The following ARHGAP28 variants were observed in gnomAD, a reference collection of about 807,000 sequenced individuals.
ARHGAP28 encodes the protein Rho GTPase activating protein 28.
A neutral mutation model predicts 90.7 loss-of-function variants in ARHGAP28; 56 were observed. The observed-to-expected ratio is 0.62, with a 90% CI of 0.50 to 0.77. The LOEUF (loss-of-function observed/expected upper bound fraction) is 0.77. Ranked by LOEUF, ARHGAP28 falls within the 30% of genes least tolerant of loss-of-function variation. ARHGAP28 has a pLI of 0.00. For synonymous variants in ARHGAP28, 308 were observed against 323.3 expected (o/e 0.95, Z 0.51); for missense variants, 869 against 900.9 (o/e 0.96, Z 0.45).
At chr18:6,885,778 CTT>C (rs1425378888) in intron 11 of ARHGAP28, among the ~76,000 whole-genome samples, 1 of 147,360 alleles carries the variant, frequency 6.8e-6, no homozygotes, top group Non-Finnish European at 1.5e-5. Context: ...ATCTGCATCT[CTT>C]GTTTTTTTCT....
At chr18:6,878,408 G>A (rs1004204878) in intron 10 of ARHGAP28, among the ~76,000 whole-genome samples, 1 of 151,312 alleles carries the variant, frequency 6.6e-6, no homozygotes, top group Non-Finnish European at 1.5e-5. Flanking sequence ...TGATGAGTTA[G>A]TGGGTGCAGC....
chr18:6,891,881 C>G (rs973044609), intron 14 of ARHGAP28, among the ~76,000 whole-genome samples: 1 of 152,150 alleles, frequency 6.6e-6, no homozygotes, highest in Non-Finnish European at 1.5e-5. Flanking sequence ...ATGTGAGCCA[C>G]TGTGCCTGGT....
At chr18:6,800,470 C>T (rs889522755) in intron 1 of ARHGAP28, among the ~76,000 whole-genome samples, 1 of 152,102 alleles carries the variant, frequency 6.6e-6, no homozygotes, top group Non-Finnish European at 1.5e-5. Flanking sequence ...AAATGCACAT[C>T]AGTGATAGAC....
intron 1 of ARHGAP28, chr18:6,754,793 G>C (rs1239958887): frequency 6.6e-6 from 1 of 152,178 alleles, no homozygotes; most frequent in Non-Finnish European, 1.5e-5. Context: ...ATGTCTGAGT[G>C]AATAAATGAA....
intron 1 of ARHGAP28, among the ~76,000 whole-genome samples, chr18:6,730,375 A>T (rs2055870398): frequency 6.6e-6 from 1 of 152,154 alleles, no homozygotes; most frequent in Admixed American, 6.5e-5. Flanking sequence ...GAGCTTGTTC[A>T]GTAACTGCAT....
At chr18:6,856,072 G>A (rs140739300) in intron 4 of ARHGAP28, among the ~76,000 whole-genome samples, 1 of 152,328 alleles carries the variant, frequency 6.6e-6, no homozygotes, top group East Asian at 1.9e-4. Flanking sequence ...AACCCAGTGG[G>A]CCCGAGCAAA....
chr18:6,911,125 C>T (rs182154182), intron 17 of ARHGAP28, among the ~76,000 whole-genome samples: 29 of 152,244 alleles, frequency 1.9e-4, no homozygotes, highest in African/African-American at 6.5e-4. Flanking sequence ...TGAGCCACCG[C>T]GCTCGGCCAG....
At chr18:6,790,670 AT>A (rs1262385840) in intron 1 of ARHGAP28, 1 of 152,222 alleles carries the variant, frequency 6.6e-6, no homozygotes, top group African/African-American at 2.4e-5. Flanking sequence ...AGTTTGGCAA[AT>A]AATTGTTAGT....
intron 1 of ARHGAP28, among the ~76,000 whole-genome samples, chr18:6,765,085 ATGTT>A (rs1195182677): frequency 2.6e-5 from 4 of 152,194 alleles, no homozygotes; most frequent in African/African-American, 9.6e-5. Flanking sequence ...TTCTGTGTCT[ATGTT>A]TGTAAACGAT....
At chr18:6,893,867 G>GTTTTT (rs5822929) in intron 14 of ARHGAP28, among the ~76,000 whole-genome samples, 7 of 130,810 alleles carry the variant, frequency 5.4e-5, no homozygotes, top group Admixed American at 1.6e-4. Context: ...TTGCTTTTTG[G>GTTTTT]TTTTTTTTTT....
chr18:6,878,661 C>T (rs898455940), intron 10 of ARHGAP28, among the ~76,000 whole-genome samples: 2 of 152,168 alleles, frequency 1.3e-5, no homozygotes, highest in Non-Finnish European at 2.9e-5. Flanking sequence ...ACAGGTCAGT[C>T]TTTTTTCTCC....
At chr18:6,806,966 G>A (rs576161910) in intron 1 of ARHGAP28, among the ~76,000 whole-genome samples, 5 of 152,022 alleles carry the variant, frequency 3.3e-5, no homozygotes, top group Non-Finnish European at 7.4e-5. Flanking sequence ...ATCTGCTGGC[G>A]TCCTTTTCTT....
At chr18:6,780,687 G>A (rs531981985) in intron 1 of ARHGAP28, among the ~76,000 whole-genome samples, 6 of 152,120 alleles carry the variant, frequency 3.9e-5, no homozygotes, top group East Asian at 3.9e-4. Flanking sequence ...TCAGGAGTTC[G>A]AGACCAGCCT....
At chr18:6,782,406 C>G (rs2143489138) in intron 1 of ARHGAP28, among the ~76,000 whole-genome samples, 1 of 151,636 alleles carries the variant, frequency 6.6e-6, no homozygotes, top group South Asian at 2.1e-4. Context: ...TATATAATGT[C>G]AAGACATTAA....
At chr18:6,777,050 CAT>C (rs1177258931) in intron 1 of ARHGAP28, among the ~76,000 whole-genome samples, 2 of 152,042 alleles carry the variant, frequency 1.3e-5, no homozygotes, top group African/African-American at 4.8e-5. Flanking sequence ...AAGAGAATGA[CAT>C]ATAAAATTTT....
intron 3 of ARHGAP28, among the ~76,000 whole-genome samples, chr18:6,845,652 C>T (rs984458616): frequency 1.1e-4 from 16 of 152,180 alleles, no homozygotes; most frequent in Admixed American, 6.5e-4. Context: ...TCAGCTCCCA[C>T]TTATAAGTGA....
At chr18:6,810,788 G>A (rs1006025478) in intron 1 of ARHGAP28, among the ~76,000 whole-genome samples, 3 of 152,044 alleles carry the variant, frequency 2.0e-5, no homozygotes, top group Non-Finnish European at 2.9e-5. Flanking sequence ...TAAAGAAAGA[G>A]CATTCAGAAA....
chr18:6,899,134 T>G (rs1446907334), intron 16 of ARHGAP28, among the ~76,000 whole-genome samples: 2 of 152,194 alleles, frequency 1.3e-5, no homozygotes, highest in African/African-American at 4.8e-5. Context: ...TGTTGTAAAC[T>G]GGCCCCAATT....
chr18:6,772,080 G>T (rs1284843091), intron 1 of ARHGAP28, among the ~76,000 whole-genome samples: 1 of 152,044 alleles, frequency 6.6e-6, no homozygotes, highest in African/African-American at 2.4e-5. Flanking sequence ...GAATCCCACT[G>T]CCACCAAGGT....
Sources: allele counts gnomAD v4.1 joint callset (sites outside exome capture counted in the v4.1 genomes callset), GRCh38; gene constraint gnomAD v4.1.1; transcripts MANE v1.5; gene names NCBI Gene and HGNC (gene_info 2026-07-23, HGNC 2026-07-21).